VPS35L: variants seen among roughly 807,000 people sequenced by gnomAD.
VPS35L encodes the protein VPS35 endosomal protein-sorting factor-like.
In VPS35L, 83 loss-of-function variants were observed where a neutral mutation model predicts 133.0. The observed-to-expected ratio is 0.62, with a 90% CI of 0.52 to 0.75. The LOEUF (loss-of-function observed/expected upper bound fraction) is 0.75, where lower values mean the gene tolerates loss of function less well. Among genes scored for constraint, VPS35L ranks in the 30% least tolerant of loss-of-function variants. The pLI is 0.00. For missense variants in VPS35L, 1,083 were observed against 1,206.8 expected, an observed-to-expected ratio of 0.90 and a Z score of 1.52; for synonymous variants, 423 against 449.9, an observed-to-expected ratio of 0.94 and a Z score of 0.76.
At chr16:19,567,641 A>C (rs1971228787) in intron 2 of VPS35L, among the ~76,000 whole-genome samples, 1 of 152,042 alleles carries the variant, frequency 6.6e-6, no homozygotes, top group African/African-American at 2.4e-5. Context: ...GGCAGTTGGC[A>C]TCTGACTCGA....
At chr16:19,644,306 T>G (rs1268812192) in intron 22 of VPS35L, among the ~76,000 whole-genome samples, 1 of 152,210 alleles carries the variant, frequency 6.6e-6, no homozygotes, top group African/African-American at 2.4e-5. Flanking sequence ...GAATGGATAA[T>G]TATGTGTAAA....
intron 27 of VPS35L, among the ~76,000 whole-genome samples, chr16:19,677,239 T>G (rs529004979): frequency 3.3e-5 from 5 of 151,698 alleles, no homozygotes; most frequent in Non-Finnish European, 7.4e-5. Context: ...CTAATTTTAT[T>G]TATTTATTTA....
chr16:19,629,824 T>C lies in VPS35L; in HGVS notation c.1554+4T>C. ...ATACACCTGCAAGCATTTCACGGTA[T>C]GTGTGACTGTGGTATTGTTTTTGAA... On this transcript the variant is annotated splice_donor_region_variant and intron_variant, in intron 18 of 30. Transcript: ENST00000417362. 6.2e-7 allele frequency: 1 copy of C among 1,612,494 alleles called. No homozygotes were observed. Among genetic ancestry groups the C allele is most frequent in the Non-Finnish European group, 8.5e-7 (1 of 1,178,614 alleles).
rs545887176 is a variant in VPS35L, at chr16:19,560,903, T to A, written c.18-3948T>A. ...AATTTATCCTTTGTGTTTTTTTTTT[T>A]AAATAAATCGAGGATTGCCTGATAG... On this transcript the variant is annotated intron_variant, in intron 1 of 30. Transcript: ENST00000417362. Among the ~76,000 whole-genome samples, 299 of 152,086 alleles carry A rather than the reference T, an allele frequency of 2.0e-3. 1 individual carries two copies. The highest frequency in any genetic ancestry group is 3.2e-3 in the Non-Finnish European group (219 of 67,962).
At position 19,620,027 on chromosome 16, in the gene VPS35L, A is replaced by G. The variant is rs73535645; in HGVS notation, c.1224+3219A>G. ...GGCAAGTGAGAGAGGGAAAGGAGAA[A>G]TACCTTTAGTTGTGAATATCTCATC... On this transcript the variant is annotated intron_variant, in intron 14 of 30. Coordinates refer to ENST00000417362, the MANE Select transcript of VPS35L (RefSeq NM_020314.7). Among the ~76,000 whole-genome samples the G allele has an allele frequency of 6.5e-3, 990 of 152,260 alleles. 14 individuals are homozygous for G. Among genetic ancestry groups the G allele is most frequent in the African/African-American group, 0.022 (906 of 41,544 alleles).
rs1249761628 is a variant in VPS35L at position 19,691,340 on chromosome 16, G to A, written c.2528-13G>A. 1 of 1,602,610 alleles carries A rather than the reference G, an allele frequency of 6.2e-7. No homozygotes were observed. The highest frequency in any genetic ancestry group is 8.5e-7 in the Non-Finnish European group (1 of 1,169,732). Reference sequence around the variant, plus strand: ...GGCTTGGGTCTGTCTCACTGTTCTTGTTTGTTCAACAGTGGACTCCAACGA... The same window carrying A: ...GGCTTGGGTCTGTCTCACTGTTCTTATTTGTTCAACAGTGGACTCCAACGA... On this transcript the variant is annotated splice_polypyrimidine_tract_variant and intron_variant, in intron 28 of 30. Transcript: ENST00000417362.
At chr16:19,596,197 G>C (rs1451890504) in intron 8 of VPS35L, among the ~76,000 whole-genome samples, 3 of 152,164 alleles carry the variant, frequency 2.0e-5, no homozygotes, top group African/African-American at 7.2e-5. Context: ...GTGAATTGCA[G>C]AGCTGAGGCT....
intron 27 of VPS35L, among the ~76,000 whole-genome samples, chr16:19,678,684 G>C (rs2151614371): frequency 6.6e-6 from 1 of 151,884 alleles, no homozygotes; most frequent in East Asian, 1.9e-4. Flanking sequence ...CACCATGTTG[G>C]CCAGGCTGGT....
intron 5 of VPS35L, among the ~76,000 whole-genome samples, chr16:19,576,181 CAAAA>C (rs375230062): frequency 7.7e-6 from 1 of 130,628 alleles, no homozygotes; most frequent in Non-Finnish European, 1.6e-5. Flanking sequence ...AAAAAAAAAA[CAAAA>C]AAAAAAAACA....
intron 5 of VPS35L, among the ~76,000 whole-genome samples, chr16:19,575,382 A>G (rs1971496763): frequency 6.6e-6 from 1 of 152,082 alleles, no homozygotes; most frequent in Non-Finnish European, 1.5e-5. Context: ...CCTGGCCAAC[A>G]TGGTGAAATC....
chr16:19,684,336 G>T (rs1975385337), intron 28 of VPS35L, among the ~76,000 whole-genome samples: 1 of 152,078 alleles, frequency 6.6e-6, no homozygotes, highest in East Asian at 1.9e-4. Flanking sequence ...AAGTGCTTTG[G>T]CCAGTAATTG....
intron 9 of VPS35L, chr16:19,607,949 G>A: frequency 2.0e-6 from 1 of 499,456 alleles, no homozygotes; most frequent in East Asian, 3.2e-5. Context: ...TGCTATATGG[G>A]ATCAGGTGAG....
chr16:19,562,444 T>C (rs1020959777), intron 1 of VPS35L, among the ~76,000 whole-genome samples: 1 of 152,096 alleles, frequency 6.6e-6, no homozygotes, highest in African/African-American at 2.4e-5. Context: ...GGAGAGACTT[T>C]GTCACTTTCC....
chr16:19,616,134 A>G lies in VPS35L; in HGVS notation c.1044A>G (p.Pro348=). 6.2e-7 allele frequency: 1 copy of G among 1,613,686 alleles called. No individual in the cohort carries two copies. Among genetic ancestry groups the G allele is most frequent in the Non-Finnish European group, 8.5e-7 (1 of 1,179,696 alleles). The change falls in exon 13 of 31, where the codon CCA becomes CCG. Residue 348 remains proline, a synonymous_variant. Transcript: ENST00000417362. ...YLCRVGMEVA[P]HLKETLNKNF... is the part of the protein sequence containing the mutation. ...TGCAGGTGGGAATGGAAGTGGCCCC[A>G]CATCTCAAAGAAACCCTAAATAAGA... is the stretch of plus-strand genomic sequence containing the variant.
intron 28 of VPS35L, among the ~76,000 whole-genome samples, chr16:19,688,760 G>A (rs1403053942): frequency 1.3e-5 from 2 of 152,218 alleles, no homozygotes; most frequent in East Asian, 3.9e-4. Flanking sequence ...TAGCTGGAAT[G>A]AAAGCAGCTG....
intron 29 of VPS35L, among the ~76,000 whole-genome samples, chr16:19,698,454 A>T (rs1283726387): frequency 6.6e-6 from 1 of 152,048 alleles, no homozygotes; most frequent in Non-Finnish European, 1.5e-5. Flanking sequence ...GTCATCTAAG[A>T]TATGCTCCCT....
chr16:19,568,058 A>G (rs1172921781), intron 2 of VPS35L, among the ~76,000 whole-genome samples: 1 of 152,074 alleles, frequency 6.6e-6, no homozygotes, highest in African/African-American at 2.4e-5. Flanking sequence ...CTCATGTTCA[A>G]TAATTTGCTA....
At chr16:19,627,538 GTC>G (rs1191623181) in intron 15 of VPS35L, among the ~76,000 whole-genome samples, 154 bp from the exon 16 acceptor site, 1 of 152,122 alleles carries the variant, frequency 6.6e-6, no homozygotes, top group East Asian at 1.9e-4. Context: ...CACTGTGTTA[GTC>G]TCTCCAGTTT....
At chr16:19,661,084 A>ATG (rs1043313683) in intron 26 of VPS35L, among the ~76,000 whole-genome samples, 2 of 147,038 alleles carry the variant, frequency 1.4e-5, no homozygotes, top group African/African-American at 5.0e-5. Flanking sequence ...ATATATATAT[A>ATG]TGTAGTTCTC....
Sources: gnomAD v4.1 joint callset for allele counts (sites outside exome capture counted in the v4.1 genomes callset) on GRCh38, gnomAD v4.1.1 for gene constraint, MANE v1.5 for transcripts, NCBI Gene and HGNC (gene_info 2026-07-23, HGNC 2026-07-21) for gene names.